Variants in RBM20 observed in about 807,000 individuals in gnomAD.
The protein encoded by RBM20 is RNA-binding protein 20.
In RBM20, 51 loss-of-function variants were observed where a neutral mutation model predicts 110.1. The observed-to-expected ratio is 0.46, with a 90% CI of 0.37 to 0.59. The LOEUF is 0.59. Ranked by LOEUF, RBM20 falls within the 20% of genes least tolerant of loss-of-function variation. The probability of loss-of-function intolerance (pLI) is 0.00; values close to 1 mark genes in which losing one functional copy is unlikely to be tolerated. For missense variants in RBM20, 1,512 were observed against 1,574.9 expected, an observed-to-expected ratio of 0.96 and a Z score of 0.68; for synonymous variants, 589 against 618.2, an observed-to-expected ratio of 0.95 and a Z score of 0.70.
chr10:110,712,049 A>G (rs111327264), intron 1 of RBM20, among the ~76,000 whole-genome samples: 126 of 152,382 alleles, frequency 8.3e-4, no homozygotes, highest in African/African-American at 2.9e-3. Flanking sequence ...GTAAGAAGTG[A>G]TAAGATCCAA....
intron 1 of RBM20, among the ~76,000 whole-genome samples, chr10:110,731,770 G>C (rs148523370): frequency 2.2e-4 from 34 of 152,296 alleles, no homozygotes; most frequent in African/African-American, 7.9e-4. Flanking sequence ...GTCCACTTCA[G>C]AGTTTAGGCT....
rs71492062 is a variant in RBM20, at chr10:110,752,945, AT to A, written c.192-27842del. ...CATATATATATATATATATATATATATTTTTTTTTTTTTTATGAAGTCTCCC... is the reference window on the plus strand; with the variant it reads ...CATATATATATATATATATATATATATTTTTTTTTTTTTATGAAGTCTCCC... On this transcript the variant is annotated intron_variant, in intron 1 of 13. Transcript: ENST00000369519. 9.8e-3 allele frequency among the ~76,000 whole-genome samples: 1,072 copies of A among 108,966 alleles called. 11 individuals carry two copies. The highest frequency in any genetic ancestry group is 0.032 in the African/African-American group (839 of 26,610). 71.5% of individuals were successfully genotyped at this position (108,966 alleles called of 152,430 possible). A position where few individuals can be genotyped will look rare whatever the true frequency, so the allele number is the denominator to read the frequency against.
chr10:110,671,631 G>A (rs12359924), intron 1 of RBM20, among the ~76,000 whole-genome samples: 45,101 of 151,882 alleles, frequency 0.3, 8,261 homozygotes, highest in East Asian at 0.65. Context: ...TCAGAACAGT[G>A]TCTACCAAAG....
At chr10:110,720,101 AG>A (rs1289020472) in intron 1 of RBM20, among the ~76,000 whole-genome samples, 1 of 152,156 alleles carries the variant, frequency 6.6e-6, no homozygotes, top group Non-Finnish European at 1.5e-5. Context: ...GCTCTGTCCT[AG>A]TGACCTAATC....
intron 1 of RBM20, among the ~76,000 whole-genome samples, chr10:110,720,683 A>G (rs1024269202): frequency 8.8e-4 from 78 of 88,536 alleles, no homozygotes; most frequent in Non-Finnish European, 6.7e-4. Context: ...TCATCCTTGC[A>G]GTGTCCATCC....
chr10:110,737,788 A>G (rs10749051), intron 1 of RBM20, among the ~76,000 whole-genome samples: 87,097 of 152,054 alleles, frequency 0.57, 25,189 homozygotes, highest in Middle Eastern at 0.61. Context: ...GGAATACACC[A>G]CTATTTATTC....
chr10:110,744,148 T>C lies in RBM20; in HGVS notation c.192-36653T>C, dbSNP rs148122939. ...GCAAACTCCTTCACCTCTCAGTGCCTCAGATACCTCTCTATACAGAGGAAA... is the reference window on the plus strand; with the variant it reads ...GCAAACTCCTTCACCTCTCAGTGCCCCAGATACCTCTCTATACAGAGGAAA... On this transcript the variant is annotated intron_variant, in intron 1 of 13. Coordinates refer to ENST00000369519, the MANE Select transcript of RBM20 (RefSeq NM_001134363.3). Among the ~76,000 whole-genome samples the C allele has an allele frequency of 6.6e-3, 1,006 of 152,254 alleles. 6 individuals carry two copies. Among genetic ancestry groups the C allele is most frequent in the African/African-American group, 0.023 (948 of 41,532 alleles).
chr10:110,711,974 A>G (rs1361355963), intron 1 of RBM20, among the ~76,000 whole-genome samples: 2 of 152,168 alleles, frequency 1.3e-5, no homozygotes, highest in African/African-American at 4.8e-5. Context: ...AAGTGCTAGC[A>G]TTGTTTCAGA....
intron 1 of RBM20, among the ~76,000 whole-genome samples, chr10:110,684,751 TA>T (rs1862477259): frequency 6.8e-6 from 1 of 145,992 alleles, no homozygotes; most frequent in South Asian, 2.3e-4. Context: ...AGGATTTTAA[TA>T]CTTTAAAAAA....
At chr10:110,724,796 C>A (rs1843544161) in intron 1 of RBM20, among the ~76,000 whole-genome samples, 1 of 152,158 alleles carries the variant, frequency 6.6e-6, no homozygotes, top group African/African-American at 2.4e-5. Flanking sequence ...ACAGGAGATG[C>A]TTTATCCGGC....
At chr10:110,784,520 C>CAGGGAAGT in intron 4 of RBM20, 88 bp downstream of exon 4, 1 of 933,228 alleles carries the variant, frequency 1.1e-6, no homozygotes, top group Non-Finnish European at 1.7e-6. Context: ...ACCAGGACTT[C>CAGGGAAGT]CCTGATGTCC....
Position 110,823,455 on chromosome 10 carries a change from TTTTGC to T in RBM20, c.3317-24_3317-20del. The T allele has an allele frequency of 1.0e-5, 9 of 871,490 alleles. No individual in the cohort carries two copies. In the South Asian group the frequency reaches 1.6e-4, roughly 16 times the overall value. 54.0% of individuals were successfully genotyped at this position (871,490 alleles called of 1,614,324 possible). On this transcript the variant is annotated intron_variant, in intron 11 of 13. Coordinates refer to ENST00000369519, the MANE Select transcript of RBM20 (RefSeq NM_001134363.3). Reference sequence around the variant, plus strand: ...TCTTTTTTTTTTTTTTTTTTTTTTTTTTTGCCTTGGTTCATGTTTTGCAGAAAACT... The same window carrying T: ...TCTTTTTTTTTTTTTTTTTTTTTTTTCTTGGTTCATGTTTTGCAGAAAACT...
In RBM20 at chr10:110,667,302, C is replaced by G. The variant is rs117214679; in HGVS notation, c.191+22657C>G. Among the ~76,000 whole-genome samples, 829 of 152,362 alleles carry G rather than the reference C, an allele frequency of 5.4e-3. 6 individuals carry two copies. The highest frequency in any genetic ancestry group is 0.014 in the Middle Eastern group (4 of 294). On this transcript the variant is annotated intron_variant, in intron 1 of 13. Transcript: ENST00000369519. ...TGACGTGGGTACCCCCACTGAACCC[C>G]ATGATATTCTCCAGCACTTTCTTGG...
intron 1 of RBM20, among the ~76,000 whole-genome samples, chr10:110,746,971 AG>A (rs1843788343): frequency 6.6e-6 from 1 of 152,196 alleles, no homozygotes; most frequent in Admixed American, 6.5e-5. Flanking sequence ...GCACCATTAT[AG>A]TTGTTTGTAT....
chr10:110,754,132 G>A (rs1054005705), intron 1 of RBM20, among the ~76,000 whole-genome samples: 7 of 152,106 alleles, frequency 4.6e-5, no homozygotes, highest in Non-Finnish European at 7.4e-5. Context: ...CAGAATTATA[G>A]ATTTGTCATT....
chr10:110,793,523 G>A (rs1047344475), intron 5 of RBM20, among the ~76,000 whole-genome samples: 12 of 152,182 alleles, frequency 7.9e-5, no homozygotes, highest in African/African-American at 2.4e-4. Context: ...CTCAGAACCG[G>A]AAGAGGTTCA....
At chr10:110,748,014 G>C (rs980634451) in intron 1 of RBM20, among the ~76,000 whole-genome samples, 1 of 152,158 alleles carries the variant, frequency 6.6e-6, no homozygotes, top group African/African-American at 2.4e-5. Context: ...TTACTGTCTT[G>C]TTCTATTAAA....
chr10:110,811,453 TAGTC>T (rs1844766446), intron 8 of RBM20, among the ~76,000 whole-genome samples: 1 of 152,246 alleles, frequency 6.6e-6, no homozygotes, highest in African/African-American at 2.4e-5. Context: ...ATTTGTTTAT[TAGTC>T]TGTCTGTTTT....
intron 1 of RBM20, among the ~76,000 whole-genome samples, chr10:110,680,624 T>C (rs1361246273): frequency 2.6e-5 from 4 of 152,276 alleles, no homozygotes; most frequent in African/African-American, 7.2e-5. Flanking sequence ...CTAACTAGCG[T>C]GGGCTGTGGT....
Sources: gnomAD v4.1 joint callset for allele counts (sites outside exome capture counted in the v4.1 genomes callset) on GRCh38, gnomAD v4.1.1 for gene constraint, MANE v1.5 for transcripts, NCBI Gene and HGNC (gene_info 2026-07-23, HGNC 2026-07-21) for gene names.